HAO1: variants seen among roughly 807,000 people sequenced by gnomAD.
HAO1 encodes 2-Hydroxyacid oxidase 1.
A neutral mutation model predicts 39.7 loss-of-function variants in HAO1; 34 were observed. That is an observed-to-expected ratio of 0.86 (90% CI 0.65 to 1.14). The LOEUF (loss-of-function observed/expected upper bound fraction) is 1.14. Ranked by LOEUF, HAO1 falls within the 50% of genes most tolerant of loss-of-function variation. HAO1 has a pLI of 0.00. For synonymous variants in HAO1, 172 were observed against 173.2 expected, an observed-to-expected ratio of 0.99 and a Z score of 0.05; for missense variants, 479 against 464.5, an observed-to-expected ratio of 1.03 and a Z score of -0.29.
At chr20:7,937,908 C>A (rs1158304007) in intron 1 of HAO1, among the ~76,000 whole-genome samples, 2 of 152,018 alleles carry the variant, frequency 1.3e-5, no homozygotes, top group East Asian at 3.8e-4. Context: ...AAGTCTTACC[C>A]AAAAATATCT....
chr20:7,888,904 T>A (rs535008441), intron 5 of HAO1, among the ~76,000 whole-genome samples: 46 of 152,210 alleles, frequency 3.0e-4, no homozygotes, highest in African/African-American at 1.1e-3. Context: ...TGCCACTTCA[T>A]GAGAATGCTG....
At position 7,885,735 on chromosome 20, in the gene HAO1, T is replaced by C. The variant is rs1490358494; in HGVS notation, c.943A>G (p.Arg315Gly). ...AAAGCTAAGCCCCAAACGATTGGTC[T>C]CCCCACAAACACAGCCTTGGCGCCA... ...ALGAKAVFVG[R>G]PIVWGLAFQG... The change falls in exon 6 of 8, where the codon AGA becomes GGA. Residue 315 changes from arginine to glycine, a missense_variant. Arg to Gly is a moderately radical substitution (Grantham distance 125, BLOSUM62 -2). Transcript: ENST00000378789. The C allele has an allele frequency of 6.2e-7, 1 of 1,613,666 alleles. No individual in the cohort carries two copies.
At chr20:7,892,635 C>T (rs2050179384) in intron 5 of HAO1, among the ~76,000 whole-genome samples, 1 of 152,050 alleles carries the variant, frequency 6.6e-6, no homozygotes, top group Non-Finnish European at 1.5e-5. Flanking sequence ...ATCCCAATTC[C>T]AACCATCTAT....
chr20:7,937,579 AAG>A (rs575775137), intron 1 of HAO1, among the ~76,000 whole-genome samples: 63 of 152,198 alleles, frequency 4.1e-4, no homozygotes, highest in Middle Eastern at 3.2e-3. Flanking sequence ...CGCAGCAGAA[AAG>A]AGTTTCCTTT....
At chr20:7,920,217 C>T (rs1374085040) in intron 2 of HAO1, among the ~76,000 whole-genome samples, 1 of 152,080 alleles carries the variant, frequency 6.6e-6, no homozygotes, top group African/African-American at 2.4e-5. Context: ...TCCCCCTTCA[C>T]TTCACACACA....
At chr20:7,938,011 C>T (rs1396950882) in intron 1 of HAO1, among the ~76,000 whole-genome samples, 4 of 152,114 alleles carry the variant, frequency 2.6e-5, no homozygotes, top group South Asian at 2.1e-4. Flanking sequence ...AAAGCTGTCA[C>T]GGTGAATGAC....
chr20:7,919,652 T>G lies in HAO1; in HGVS notation c.290-5233A>C, dbSNP rs78589456. ...CTATAGCCACAGCTGTTCTGCCTAC[T>G]TCATAGCATTGCAAGATCATCTACT... is the stretch of plus-strand genomic sequence containing the variant. On this transcript the variant is annotated intron_variant, in intron 2 of 7. Transcript: ENST00000378789. Among the ~76,000 whole-genome samples the G allele has an allele frequency of 5.7e-3, 875 of 152,304 alleles. 11 individuals carry two copies. The highest frequency in any genetic ancestry group is 0.019 in the African/African-American group (780 of 41,568).
chr20:7,909,387 A>ATATATATATG (rs1568514579), intron 3 of HAO1, among the ~76,000 whole-genome samples: 1 of 136,660 alleles, frequency 7.3e-6, no homozygotes, highest in Non-Finnish European at 1.6e-5. Flanking sequence ...ATGTATATAT[A>ATATATATATG]TATATATATA....
rs751718817 is a variant in HAO1, at chr20:7,934,495, G to C, written c.278C>G (p.Ala93Gly). ...QRMAHVDGEL[A>G]TVRACQSLGT... ...AATCTTCCTCCTACCTCTCACAGTG[G>C]CAAGCTCGCCGTCCACATGAGCCAT... Residue 93 changes from alanine (A) to glycine (G), a missense_variant, in exon 2 of 8, where the codon GCC (alanine) becomes GGC (glycine). By Grantham distance (60) the Ala-to-Gly change is moderately conservative. Coordinates refer to ENST00000378789, the MANE Select transcript of HAO1 (RefSeq NM_017545.3). 8 of 1,608,920 alleles carry C rather than the reference G, an allele frequency of 5.0e-6. No individual in the cohort carries two copies. The African/African-American group carries it at 8.1e-5, about 16-fold the overall frequency.
intron 4 of HAO1, among the ~76,000 whole-genome samples, chr20:7,901,345 T>C (rs2050220532): frequency 6.6e-6 from 1 of 152,174 alleles, no homozygotes; most frequent in South Asian, 2.1e-4. Flanking sequence ...TGGAAGAAGA[T>C]GCCATCTAGG....
intron 5 of HAO1, among the ~76,000 whole-genome samples, chr20:7,891,761 G>A (rs899473876): frequency 4.6e-5 from 7 of 152,178 alleles, no homozygotes; most frequent in African/African-American, 7.2e-5. Flanking sequence ...TTCTCTCAGC[G>A]AGAGGGAAAT....
At chr20:7,928,429 A>G (rs1041327901) in intron 2 of HAO1, among the ~76,000 whole-genome samples, 6 of 151,964 alleles carry the variant, frequency 3.9e-5, no homozygotes, top group Non-Finnish European at 7.4e-5. Flanking sequence ...AATTGCAAAG[A>G]TCATCCACTT....
intron 3 of HAO1, among the ~76,000 whole-genome samples, chr20:7,908,235 CA>C (rs2050257728): frequency 6.6e-6 from 1 of 151,606 alleles, no homozygotes; most frequent in Non-Finnish European, 1.5e-5. Flanking sequence ...ACTAAAAATT[CA>C]AAAAAATTAG....
chr20:7,920,532 G>A lies in HAO1; in HGVS notation c.290-6113C>T, dbSNP rs531870681. Among the ~76,000 whole-genome samples the A allele has an allele frequency of 2.3e-4, 35 of 152,118 alleles. No homozygotes were observed. In the East Asian group the frequency reaches 2.3e-3, roughly 10 times the overall value. On this transcript the variant is annotated intron_variant, in intron 2 of 7. Coordinates refer to ENST00000378789, the MANE Select transcript of HAO1 (RefSeq NM_017545.3). ...ATCACTAAAACCTATTACTCCAGTC[G>A]CACTGAAACTTTGTACAACTTTGAT...
At chr20:7,893,633 G>C (rs2050183940) in intron 5 of HAO1, among the ~76,000 whole-genome samples, 1 of 152,010 alleles carries the variant, frequency 6.6e-6, no homozygotes, top group Non-Finnish European at 1.5e-5. Flanking sequence ...CTTCAACCAG[G>C]AACTGACTCA....
chr20:7,909,552 T>G (rs1483860565), intron 3 of HAO1, among the ~76,000 whole-genome samples: 1 of 150,942 alleles, frequency 6.6e-6, no homozygotes, highest in Non-Finnish European at 1.5e-5. Context: ...ATTTCTTCTT[T>G]GTAAGGTACT....
intron 5 of HAO1, among the ~76,000 whole-genome samples, chr20:7,892,489 G>A (rs893878043): frequency 2.4e-4 from 37 of 152,180 alleles, no homozygotes; most frequent in African/African-American, 7.0e-4. Flanking sequence ...CATTTACTCC[G>A]CCATCACAGC....
chr20:7,913,004 G>C (rs983591469), intron 3 of HAO1, among the ~76,000 whole-genome samples: 68 of 152,292 alleles, frequency 4.5e-4, no homozygotes, highest in African/African-American at 1.4e-3. Context: ...CTTTCGTGGT[G>C]AGATTCACTC....
At position 7,885,337 on chromosome 20, in the gene HAO1, G is replaced by C. The variant is rs1406233092; in HGVS notation, c.1042+184C>G. On this transcript the variant is annotated intron_variant, in intron 7 of 7. Coordinates refer to ENST00000378789, the MANE Select transcript of HAO1 (RefSeq NM_017545.3). ...CCTAATAAAGCTGTGAAAAACAGAG[G>C]TTAAGTAATTACTAGAGACTGCACA... 10 of 599,910 alleles carry C rather than the reference G, an allele frequency of 1.7e-5. No individual in the cohort carries two copies. In the East Asian group the frequency reaches 2.8e-4, roughly 17 times the overall value. 37.2% of individuals were successfully genotyped at this position (599,910 alleles called of 1,614,324 possible).
Sources: allele counts gnomAD v4.1 joint callset (sites outside exome capture counted in the v4.1 genomes callset), GRCh38; gene constraint gnomAD v4.1.1; transcripts MANE v1.5; gene names NCBI Gene and HGNC (gene_info 2026-07-23, HGNC 2026-07-21).